Variants in CSMD1 observed in about 807,000 individuals in gnomAD.
The protein encoded by CSMD1 is CUB and sushi domain-containing protein 1.
In CSMD1, 213 loss-of-function variants were observed where a neutral mutation model predicts 417.5. The ratio of observed to expected loss-of-function variants is 0.51; its 90% CI spans 0.46 to 0.57. The LOEUF (loss-of-function observed/expected upper bound fraction) is 0.57, where lower values mean the gene tolerates loss of function less well. Ranked by LOEUF, CSMD1 falls within the 20% of genes least tolerant of loss-of-function variation. The pLI, the probability that CSMD1 is intolerant of heterozygous loss-of-function variation, is 0.00. For synonymous variants in CSMD1, 2,862 were observed against 1,736.8 expected, an observed-to-expected ratio of 1.65 and a Z score of -16.11; for missense variants, 6,923 against 4,529.7, an observed-to-expected ratio of 1.53 and a Z score of -15.17.
chr8:4,199,392 G>T (rs760392752), intron 3 of CSMD1, among the ~76,000 whole-genome samples: 3 of 152,166 alleles, frequency 2.0e-5, no homozygotes, highest in Non-Finnish European at 4.4e-5. Flanking sequence ...GTGGTGGAGT[G>T]AAAAGAATGG....
Position 3,430,330 on chromosome 8 carries a change from T to C in CSMD1, c.1562-20725A>G, listed in dbSNP as rs559008819. Among the ~76,000 whole-genome samples, 167 of 152,336 alleles carry C rather than the reference T, an allele frequency of 1.1e-3. 1 individual carries two copies. The highest frequency in any genetic ancestry group is 2.0e-3 in the Non-Finnish European group (134 of 68,032). On this transcript the variant is annotated intron_variant, in intron 12 of 69. Transcript: ENST00000635120. ...TGTGCTGAGAAATGTAGAAATCATT[T>C]TGTATGTGTTGTATAGATTTTAAAC...
At chr8:4,084,992 G>T (rs778504720) in intron 3 of CSMD1, among the ~76,000 whole-genome samples, 5 of 151,280 alleles carry the variant, frequency 3.3e-5, no homozygotes, top group African/African-American at 2.4e-5. Flanking sequence ...CAGCAGGCGC[G>T]TGACAGGGAA....
At chr8:4,455,334 A>C (rs991934407) in intron 2 of CSMD1, among the ~76,000 whole-genome samples, 9 of 152,310 alleles carry the variant, frequency 5.9e-5, no homozygotes, top group Admixed American at 3.9e-4. Flanking sequence ...AAATCCATGT[A>C]ACAAGCAAAC....
intron 2 of CSMD1, among the ~76,000 whole-genome samples, chr8:4,458,649 G>C (rs1799628949): frequency 6.6e-6 from 1 of 152,094 alleles, no homozygotes; most frequent in Non-Finnish European, 1.5e-5. Flanking sequence ...AATGTATTTT[G>C]TATTCTCAAA....
At chr8:3,658,486 T>C (rs974870858) in intron 7 of CSMD1, among the ~76,000 whole-genome samples, 7 of 100,288 alleles carry the variant, frequency 7.0e-5, no homozygotes, top group Admixed American at 6.1e-4. Flanking sequence ...ATATATTTAA[T>C]TTAAAGCTTT....
intron 26 of CSMD1, among the ~76,000 whole-genome samples, chr8:3,259,343 C>A (rs71521815): frequency 0.062 from 9,378 of 152,234 alleles, 473 homozygotes; most frequent in East Asian, 0.27. Flanking sequence ...ATCTTGACTT[C>A]GTTCACTCAG....
chr8:3,410,246 TTTTA>T (rs1199184989), intron 12 of CSMD1, among the ~76,000 whole-genome samples: 11 of 152,212 alleles, frequency 7.2e-5, no homozygotes, highest in Non-Finnish European at 1.5e-4. Flanking sequence ...CATTAAAATA[TTTTA>T]TTTATTTATT....
intron 10 of CSMD1, among the ~76,000 whole-genome samples, chr8:3,536,647 T>C (rs1185840437): frequency 1.3e-5 from 2 of 152,148 alleles, no homozygotes; most frequent in East Asian, 1.9e-4. Context: ...GTCACTACCA[T>C]CTAGTGGCAG....
Position 3,201,706 on chromosome 8 carries a change from G to A in CSMD1, c.5004C>T (p.Ala1668=), listed in dbSNP as rs760947041. 7 of 1,600,364 alleles carry A rather than the reference G, an allele frequency of 4.4e-6. No individual in the cohort carries two copies. Among genetic ancestry groups the A allele is most frequent in the Non-Finnish European group, 6.0e-6 (7 of 1,173,010 alleles). ...AATCATTCAGGGCTGTCTGGAAATA[G>A]GCAAACTGTCCAAAGACCACTAAAA... is the stretch of plus-strand genomic sequence containing the variant. The part of the protein sequence containing the change: ...PKEFVVFGQF[A]YFQTALNDLA... Residue 1668 remains alanine, a synonymous_variant, in exon 32 of 70, where the codon GCC becomes GCT. Coordinates refer to ENST00000635120, the MANE Select transcript of CSMD1 (RefSeq NM_033225.6).
At chr8:3,804,016 C>A (rs980311778) in intron 5 of CSMD1, among the ~76,000 whole-genome samples, 1 of 152,118 alleles carries the variant, frequency 6.6e-6, no homozygotes, top group Non-Finnish European at 1.5e-5. Flanking sequence ...CAACCTCCAC[C>A]TCCTGAGTTC....
chr8:3,687,442 G>A (rs182223943), intron 7 of CSMD1, among the ~76,000 whole-genome samples: 44 of 152,270 alleles, frequency 2.9e-4, no homozygotes, highest in Non-Finnish European at 1.5e-4. Context: ...AATAAATTAT[G>A]GAAGCAGAGC....
chr8:4,441,922 C>A (rs561384823), intron 2 of CSMD1, among the ~76,000 whole-genome samples: 1 of 152,166 alleles, frequency 6.6e-6, no homozygotes, highest in Non-Finnish European at 1.5e-5. Context: ...TAAATCTTAT[C>A]AGCTTCTTAC....
At chr8:3,288,833 TTTA>T (rs1803343617) in intron 25 of CSMD1, among the ~76,000 whole-genome samples, 2 of 147,374 alleles carry the variant, frequency 1.4e-5, no homozygotes, top group African/African-American at 5.4e-5. Flanking sequence ...TTTATTTTAT[TTTA>T]TTATTATACT....
chr8:4,542,280 G>A (rs1487922147), intron 2 of CSMD1, among the ~76,000 whole-genome samples: 6 of 151,790 alleles, frequency 4.0e-5, no homozygotes, highest in Admixed American at 6.6e-5. Context: ...GATAAACACA[G>A]TCAACAAAAC....
intron 2 of CSMD1, among the ~76,000 whole-genome samples, chr8:4,595,313 T>C (rs1171994768): frequency 1.3e-5 from 2 of 152,086 alleles, no homozygotes; most frequent in African/African-American, 2.4e-5. Context: ...AAGGGTGATT[T>C]CTAAGGCAAA....
In CSMD1 at chr8:4,494,631, G is replaced by A. The variant is rs112132250; in HGVS notation, c.303-74566C>T. Reference sequence around the variant, plus strand: ...AACTATGGGTTTTAAAAGAAAGTTCGCTTCATCCACATTTTTGTTACTTGG... The same window carrying A: ...AACTATGGGTTTTAAAAGAAAGTTCACTTCATCCACATTTTTGTTACTTGG... On this transcript the variant is annotated intron_variant, in intron 2 of 69. Coordinates refer to ENST00000635120, the MANE Select transcript of CSMD1 (RefSeq NM_033225.6). Among the ~76,000 whole-genome samples the A allele has an allele frequency of 5.4e-3, 824 of 151,820 alleles. 4 individuals are homozygous for A. Among genetic ancestry groups the A allele is most frequent in the African/African-American group, 0.019 (767 of 41,368 alleles).
At chr8:3,296,099 T>G (rs1356356229) in intron 25 of CSMD1, among the ~76,000 whole-genome samples, 1 of 151,784 alleles carries the variant, frequency 6.6e-6, no homozygotes, top group Non-Finnish European at 1.5e-5. Context: ...TAAATGCAAT[T>G]GAAGAAATAA....
intron 3 of CSMD1, among the ~76,000 whole-genome samples, chr8:4,348,645 G>A (rs935658924): frequency 2.9e-5 from 4 of 137,452 alleles, no homozygotes; most frequent in African/African-American, 1.1e-4. Context: ...GGGAGAGGGA[G>A]GGGGAGAGAG....
intron 1 of CSMD1, among the ~76,000 whole-genome samples, chr8:4,970,716 A>T (rs1810186716): frequency 6.6e-6 from 1 of 152,144 alleles, no homozygotes; most frequent in South Asian, 2.1e-4. Context: ...CAGGACGTGG[A>T]TTCTGAAAGA....
Sources: allele counts gnomAD v4.1 joint callset (sites outside exome capture counted in the v4.1 genomes callset), GRCh38; gene constraint gnomAD v4.1.1; transcripts MANE v1.5; gene names NCBI Gene and HGNC (gene_info 2026-07-23, HGNC 2026-07-21).